POLN: variants seen among roughly 807,000 people sequenced by gnomAD.
POLN encodes DNA polymerase nu.
A neutral mutation model predicts 113.5 loss-of-function variants in POLN; 108 were observed. The ratio of observed to expected loss-of-function variants is 0.95; its 90% CI spans 0.81 to 1.12. POLN has a LOEUF of 1.12. Among genes scored for constraint, POLN ranks in the 50% most tolerant of loss-of-function variants. The probability of loss-of-function intolerance (pLI) is 0.00; values close to 1 mark genes in which losing one functional copy is unlikely to be tolerated. For synonymous variants in POLN, 386 were observed against 391.5 expected (o/e 0.99, Z 0.17); for missense variants, 1,097 against 1,077.1 (o/e 1.02, Z -0.26).
intron 16 of POLN, among the ~76,000 whole-genome samples, chr4:2,137,031 C>G (rs1731874476): frequency 1.3e-5 from 2 of 152,244 alleles, no homozygotes; most frequent in Non-Finnish European, 2.9e-5. Flanking sequence ...GCACTCTGCC[C>G]TCTGGACACA....
chr4:2,139,254 A>G (rs778692202), intron 16 of POLN, among the ~76,000 whole-genome samples: 5 of 152,210 alleles, frequency 3.3e-5, no homozygotes, highest in African/African-American at 7.2e-5. Flanking sequence ...TCTGCCAAGC[A>G]GGGCTGGCCG....
intron 11 of POLN, among the ~76,000 whole-genome samples, chr4:2,171,638 A>G (rs980877791): frequency 5.3e-5 from 8 of 151,350 alleles, no homozygotes; most frequent in African/African-American, 1.9e-4. Context: ...TATCAAAATA[A>G]GCATAAAAAT....
At chr4:2,231,323 G>A (rs1026428641) in intron 2 of POLN, 3 of 152,268 alleles carry the variant, frequency 2.0e-5, no homozygotes, top group African/African-American at 4.8e-5. Flanking sequence ...AATAGCGGCT[G>A]AGCGTGGTGG....
intron 20 of POLN, chr4:2,090,071 C>G (rs1406298170): frequency 1.3e-5 from 12 of 912,750 alleles, no homozygotes; most frequent in East Asian, 7.9e-5. Context: ...TATTTTCCTA[C>G]TGAGCTAGAA....
chr4:2,092,667 AT>A (rs1730696628), intron 20 of POLN, among the ~76,000 whole-genome samples: 1 of 152,168 alleles, frequency 6.6e-6, no homozygotes, highest in South Asian at 2.1e-4. Flanking sequence ...CATGTCACCG[AT>A]TTCTCAAGAA....
chr4:2,210,922 A>G (rs1733977620), intron 4 of POLN, among the ~76,000 whole-genome samples: 1 of 118,510 alleles, frequency 8.4e-6, no homozygotes, highest in Non-Finnish European at 1.8e-5. Flanking sequence ...ATCTCAAAAC[A>G]TAATAAATAA....
At chr4:2,168,916 AAC>A (rs1419124264) in intron 13 of POLN, among the ~76,000 whole-genome samples, 4 of 152,256 alleles carry the variant, frequency 2.6e-5, no homozygotes, top group African/African-American at 9.6e-5. Flanking sequence ...TGGAAAAGCA[AAC>A]ACACACCTAA....
intron 21 of POLN, among the ~76,000 whole-genome samples, chr4:2,083,268 C>G (rs1056478098): frequency 6.6e-6 from 1 of 152,214 alleles, no homozygotes; most frequent in African/African-American, 2.4e-5. Context: ...ATCTGCCTCC[C>G]AAGTCTGGAT....
chr4:2,120,373 T>C (rs921467126), intron 19 of POLN, among the ~76,000 whole-genome samples: 10 of 151,568 alleles, frequency 6.6e-5, no homozygotes, highest in African/African-American at 2.4e-4. Flanking sequence ...GAGTCTTCCA[T>C]ACCCCGAACA....
chr4:2,105,727 C>A (rs1731048857), intron 19 of POLN, among the ~76,000 whole-genome samples: 1 of 152,080 alleles, frequency 6.6e-6, no homozygotes, highest in Non-Finnish European at 1.5e-5. Flanking sequence ...AGCATCCTCT[C>A]TGACTCACCA....
chr4:2,201,128 G>A (rs1358809583), intron 5 of POLN, among the ~76,000 whole-genome samples: 8 of 151,404 alleles, frequency 5.3e-5, no homozygotes, highest in East Asian at 3.9e-4. Context: ...TTAGCCGGGC[G>A]TGGTGGCACA....
intron 5 of POLN, among the ~76,000 whole-genome samples, chr4:2,201,694 C>T (rs944066364): frequency 4.6e-5 from 7 of 152,130 alleles, no homozygotes; most frequent in Non-Finnish European, 1.0e-4. Context: ...ACAAGAAGCT[C>T]AAAGAACACC....
intron 13 of POLN, among the ~76,000 whole-genome samples, chr4:2,169,812 TGAA>T (rs528675125): frequency 5.9e-5 from 9 of 152,154 alleles, no homozygotes; most frequent in Non-Finnish European, 8.8e-5. Context: ...GGAGAAAGCT[TGAA>T]GAAGAAGAGG....
chr4:2,174,804 G>T, intron 9 of POLN, 53 bp from the exon 10 acceptor site: 4 of 1,310,550 alleles, frequency 3.1e-6, no homozygotes, highest in Non-Finnish European at 4.3e-6. Context: ...TATTGTATCT[G>T]CATTTTGTTG....
intron 7 of POLN, among the ~76,000 whole-genome samples, chr4:2,185,486 C>T (rs1317307601): frequency 1.3e-5 from 2 of 152,266 alleles, no homozygotes; most frequent in African/African-American, 4.8e-5. Flanking sequence ...TGGCCCATGC[C>T]TGTAATCCCA....
chr4:2,236,227 C>A (rs755823385), intron 2 of POLN: 2 of 1,585,356 alleles, frequency 1.3e-6, no homozygotes, highest in Admixed American at 1.7e-5. Context: ...CAAATACCCA[C>A]CTGATCACTA....
At position 2,193,307 on chromosome 4, in the gene POLN, T is replaced by C. The variant is rs750222123; in HGVS notation, c.918A>G (p.Leu306=). 1.4e-5 allele frequency: 23 copies of C among 1,588,332 alleles called. No individual in the cohort carries two copies. In the East Asian group the frequency reaches 2.7e-4, roughly 19 times the overall value. The change falls in exon 7 of 26, where the codon CTA becomes CTG. Residue 306 remains leucine (L), a synonymous_variant. Coordinates refer to ENST00000511885, the MANE Select transcript of POLN (RefSeq NM_181808.4). ...EAHQQFARNV[L]FQTMKCKCPV... ...GACATTTACATTTCATTGTTTGAAA[T>C]AGCACGTTCCTAGAAGATGAAAAGA...
At chr4:2,085,536 C>T (rs978993327) in intron 21 of POLN, 77 bp downstream of exon 21, 5 of 1,584,184 alleles carry the variant, frequency 3.2e-6, no homozygotes, top group Non-Finnish European at 4.3e-6. Context: ...CGCCTGCACA[C>T]CAACCACGCA....
chr4:2,168,174 C>T lies in POLN; in HGVS notation c.1554+2505G>A, dbSNP rs1732774544. Reference sequence around the variant, plus strand: ...AAAGAAAAGTCATGCACTGTTAGGGCTACATGTAGTTGGGGGAGCTGAGCA... The same window carrying T: ...AAAGAAAAGTCATGCACTGTTAGGGTTACATGTAGTTGGGGGAGCTGAGCA... On this transcript the variant is annotated intron_variant, in intron 13 of 25. Coordinates refer to ENST00000511885, the MANE Select transcript of POLN (RefSeq NM_181808.4). 2.6e-5 allele frequency among the ~76,000 whole-genome samples: 4 copies of T among 152,258 alleles called. No homozygotes were observed. The South Asian group carries it at 8.3e-4, about 32-fold the overall frequency.
Sources: allele counts gnomAD v4.1 joint callset (sites outside exome capture counted in the v4.1 genomes callset), GRCh38; gene constraint gnomAD v4.1.1; transcripts MANE v1.5; gene names NCBI Gene and HGNC (gene_info 2026-07-23, HGNC 2026-07-21).